The following UBN1 variants were observed in gnomAD, a reference collection of about 807,000 sequenced individuals.
The protein encoded by UBN1 is ubinuclein-1.
Under a neutral mutation model 108.5 loss-of-function variants are expected in UBN1, and 17 were observed. That is an observed-to-expected ratio of 0.16 (90% CI 0.11 to 0.24). The LOEUF is 0.24. Among genes scored for constraint, UBN1 ranks in the 10% least tolerant of loss-of-function variants. The pLI is 1.00. For synonymous variants in UBN1, 726 were observed against 564.2 expected (o/e 1.29, Z -4.07); for missense variants, 1,595 against 1,394.4 (o/e 1.14, Z -2.29).
chr16:4,876,791 TC>T, intron 15 of UBN1, 79 bp from the exon 16 acceptor site: 1 of 1,517,606 alleles, frequency 6.6e-7, no homozygotes, highest in Non-Finnish European at 8.8e-7. Flanking sequence ...ACAAGGAGGA[TC>T]CTTTGTGTTG....
In UBN1 at chr16:4,874,802, C is replaced by T. The variant is rs148045347; in HGVS notation, c.2392C>T (p.Pro798Ser). The T allele has an allele frequency of 1.2e-6, 2 of 1,614,132 alleles. No individual in the cohort carries two copies. The highest frequency in any genetic ancestry group is 2.2e-5 in the East Asian group (1 of 44,884). The change falls in exon 15 of 18, where the codon CCT (proline) becomes TCT (serine). Residue 798 changes from proline to serine, a missense_variant. By Grantham distance (74) the Pro-to-Ser change is moderately conservative (BLOSUM62 -1). Around this residue, in one of 3 missense-constraint regions of UBN1, gnomAD observed 1,398 missense variants for 1,194.7 expected, o/e 1.17. Transcript: ENST00000262376. ...GTCTCACGGGCCCCAAGTGGCAGTT[C>T]CTGTGCCTGGCCCCCAGGTCAAAGT... ...RTSHGPQVAVPVPGPQVKVFH... is the reference protein window; with the variant it reads ...RTSHGPQVAVSVPGPQVKVFH...
Position 4,859,155 on chromosome 16 carries a change from C to T in UBN1, c.563C>T (p.Pro188Leu). The T allele has an allele frequency of 1.2e-6, 2 of 1,613,126 alleles. No individual in the cohort carries two copies. The highest frequency in any genetic ancestry group is 1.7e-5 in the Admixed American group (1 of 59,884). Residue 188 changes from proline to leucine, a missense_variant, in exon 5 of 18, where the codon CCA (proline) becomes CTA (leucine). By Grantham distance (98) the Pro-to-Leu change is moderately conservative (BLOSUM62 -3). Around this residue, in one of 3 missense-constraint regions of UBN1, gnomAD observed 1,398 missense variants for 1,194.7 expected, o/e 1.17. Coordinates refer to ENST00000262376, the MANE Select transcript of UBN1 (RefSeq NM_001079514.3). The part of the protein sequence containing the change: ...DFIKEKKKKS[P>L]KKRKLKEGGE... ...ATTAAAGAAAAGAAGAAAAAATCTC[C>T]AAAGGTTAGAATGTGCTTGCTTTTG...
chr16:4,852,613 C>T lies in UBN1; in HGVS notation c.-39-266C>T, dbSNP rs182610208. On this transcript the variant is annotated intron_variant, in intron 1 of 17. Coordinates refer to ENST00000262376, the MANE Select transcript of UBN1 (RefSeq NM_001079514.3). The stretch of plus-strand genomic sequence containing the variant: ...GTCTTTACAATTTGGAGGTCTAAGG[C>T]TCTGTCAGCATGGGTTCTTTAAGGT... 1.4e-5 allele frequency: 3 copies of T among 218,804 alleles called. No individual in the cohort carries two copies. In the Admixed American group the frequency reaches 1.6e-4, roughly 12 times the overall value. 13.6% of individuals were successfully genotyped at this position (218,804 alleles called of 1,614,324 possible). A position where few individuals can be genotyped will look rare whatever the true frequency, so the allele number is the denominator to read the frequency against.
At chr16:4,872,793 T>C in intron 12 of UBN1, 91 bp from the exon 13 acceptor site, 1 of 1,440,930 alleles carries the variant, frequency 6.9e-7, no homozygotes, top group Non-Finnish European at 9.7e-7. Flanking sequence ...GAGGGATAGC[T>C]ACTGAGGACC....
chr16:4,855,309 G>T (rs2086750812), intron 2 of UBN1, among the ~76,000 whole-genome samples: 1 of 151,832 alleles, frequency 6.6e-6, no homozygotes, highest in African/African-American at 2.4e-5. Flanking sequence ...TTTTTTTCCT[G>T]AGATTAAAAA....
intron 7 of UBN1, among the ~76,000 whole-genome samples, chr16:4,861,827 G>A (rs529510921): frequency 3.9e-5 from 6 of 152,274 alleles, no homozygotes; most frequent in South Asian, 4.1e-4. Context: ...CCGTAATCCC[G>A]GCTACTTGGG....
chr16:4,848,782 A>C (rs747247748), intron 1 of UBN1, among the ~76,000 whole-genome samples: 10 of 152,250 alleles, frequency 6.6e-5, no homozygotes, highest in Admixed American at 2.0e-4. Context: ...GAGGAATTGA[A>C]TGAGATTTTA....
chr16:4,850,245 A>T (rs2086493684), intron 1 of UBN1, among the ~76,000 whole-genome samples: 1 of 152,180 alleles, frequency 6.6e-6, no homozygotes, highest in South Asian at 2.1e-4. Context: ...TTTATCCTGT[A>T]GTCCTATTTT....
Position 4,877,832 on chromosome 16 carries a change from C to T in UBN1, c.3355+358C>T. 2 of 1,016,982 alleles carry T rather than the reference C, an allele frequency of 2.0e-6. No homozygotes were observed. Among genetic ancestry groups the T allele is most frequent in the Non-Finnish European group, 2.3e-6 (2 of 851,816 alleles). 63.0% of individuals were successfully genotyped at this position (1,016,982 alleles called of 1,614,324 possible). On this transcript the variant is annotated intron_variant, in intron 17 of 17. Coordinates refer to ENST00000262376, the MANE Select transcript of UBN1 (RefSeq NM_001079514.3). The surrounding 1 kb of genome is among the most constrained non-coding windows in gnomAD (Gnocchi z 4.3). Reference sequence around the variant, plus strand: ...AAAAAAAGGGAAGGTAATGGTGCATCTTCTCCAAGGGCTAATTGGGTACAA... The same window carrying T: ...AAAAAAAGGGAAGGTAATGGTGCATTTTCTCCAAGGGCTAATTGGGTACAA...
In UBN1 at chr16:4,863,819, C is replaced by T. The variant is rs577038711; in HGVS notation, c.1110+2717C>T. On this transcript the variant is annotated intron_variant, in intron 7 of 17. Transcript: ENST00000262376. ...CAGGTGCTGGCAGGGCTTTTCTTTC[C>T]TGGCCTTTCATCCTGCCTTCTTCAG... Among the ~76,000 whole-genome samples the T allele has an allele frequency of 5.1e-4, 77 of 152,312 alleles. 1 individual carries two copies. Among genetic ancestry groups the T allele is most frequent in the African/African-American group, 1.9e-3 (77 of 41,568 alleles).
At chr16:4,849,236 A>T (rs1331010928) in intron 1 of UBN1, among the ~76,000 whole-genome samples, 1 of 152,214 alleles carries the variant, frequency 6.6e-6, no homozygotes, top group East Asian at 1.9e-4. Flanking sequence ...CTAAAACCTG[A>T]AAGTTCTAGC....
intron 7 of UBN1, among the ~76,000 whole-genome samples, chr16:4,863,972 A>G (rs1441091400): frequency 6.6e-6 from 1 of 152,128 alleles, no homozygotes; most frequent in Non-Finnish European, 1.5e-5. Flanking sequence ...GCAAATCACA[A>G]GAGCCGCCCA....
chr16:4,878,165 C>T (rs974661632), intron 17 of UBN1, among the ~76,000 whole-genome samples: 17 of 152,242 alleles, frequency 1.1e-4, no homozygotes, highest in African/African-American at 3.9e-4. Flanking sequence ...CGGGTTGGTA[C>T]CTTTGCATTG....
chr16:4,872,844 C>T, intron 12 of UBN1, 40 bp from the exon 13 acceptor site: 1 of 1,613,244 alleles, frequency 6.2e-7, no homozygotes, highest in South Asian at 1.1e-5. Flanking sequence ...TCCCAGCTTT[C>T]TGGGGCATGT....
In UBN1 at chr16:4,877,880, C is replaced by T; in HGVS notation, c.3355+406C>T. 2 of 962,230 alleles carry T rather than the reference C, an allele frequency of 2.1e-6. No homozygotes were observed. The highest frequency in any genetic ancestry group is 2.5e-6 in the Non-Finnish European group (2 of 807,316). The allele number at this position is 962,230 out of a possible 1,614,324, so 59.6% of individuals were successfully genotyped here. A position where few individuals can be genotyped will look rare whatever the true frequency, so the allele number is the denominator to read the frequency against. ...CAACAAGGTCTTGGAATGCAAGCTG[C>T]TCCACTGTCAGATGTGATTGCTTAA... On this transcript the variant is annotated intron_variant, in intron 17 of 17. Transcript: ENST00000262376. This position sits in a 1 kb window ranked among gnomAD's most constrained non-coding sequence, Gnocchi z 4.3.
At chr16:4,870,427 C>T in intron 9 of UBN1, 86 bp downstream of exon 9, 7 of 1,609,196 alleles carry the variant, frequency 4.3e-6, no homozygotes, top group Non-Finnish European at 5.9e-6. Context: ...GTCTGCTGCC[C>T]CACTGCCTCC....
chr16:4,864,350 A>C (rs550565991), intron 7 of UBN1, among the ~76,000 whole-genome samples: 1 of 152,086 alleles, frequency 6.6e-6, no homozygotes, highest in African/African-American at 2.4e-5. Context: ...AAAATTAGAT[A>C]TATCTTCTAA....
intron 8 of UBN1, among the ~76,000 whole-genome samples, chr16:4,870,007 T>C (rs770675477): frequency 1.3e-5 from 2 of 152,228 alleles, no homozygotes; most frequent in Non-Finnish European, 2.9e-5. Flanking sequence ...CCACATTACC[T>C]AGCCATGTTC....
At chr16:4,865,698 AGCCTGTAAT>A (rs2087296025) in intron 7 of UBN1, among the ~76,000 whole-genome samples, 1 of 151,782 alleles carries the variant, frequency 6.6e-6, no homozygotes, top group African/African-American at 2.4e-5. Context: ...ATGGTGGCTC[AGCCTGTAAT>A]CCCAGCATTT....
Sources: gnomAD v4.1 joint callset for allele counts (sites outside exome capture counted in the v4.1 genomes callset) on GRCh38, gnomAD v4.1.1 for gene constraint, gnomAD v4.1.1 regional missense constraint, Gnocchi (gnomAD v3.1) non-coding constraint, MANE v1.5 for transcripts, NCBI Gene and HGNC (gene_info 2026-07-23, HGNC 2026-07-21) for gene names.